The following LETM1 variants were observed in gnomAD, a reference collection of about 807,000 sequenced individuals.
The protein encoded by LETM1 is leucine zipper and EF-hand containing transmembrane protein 1.
LETM1 carries 50 observed loss-of-function variants against 74.5 expected under a neutral mutation model. The observed-to-expected ratio is 0.67, with a 90% confidence interval of 0.53 to 0.85. LETM1 has a LOEUF of 0.85. Ranked by LOEUF, LETM1 falls within the 40% of genes least tolerant of loss-of-function variation. The pLI is 0.00. For synonymous variants in LETM1, 446 were observed against 407.1 expected (o/e 1.10, Z -1.15); for missense variants, 824 against 967.8 (o/e 0.85, Z 1.97).
chr4:1,841,821 CAGT>C (rs768365918), intron 2 of LETM1, 24 bp from the exon 3 acceptor site: 5 of 1,564,924 alleles, frequency 3.2e-6, no homozygotes, highest in African/African-American at 1.4e-5. Flanking sequence ...GAGTGGAAAA[CAGT>C]AGTAAGAGCC....
At chr4:1,820,578 A>G (rs578177180) in intron 10 of LETM1, among the ~76,000 whole-genome samples, 34 of 152,324 alleles carry the variant, frequency 2.2e-4, no homozygotes, top group African/African-American at 7.5e-4. Flanking sequence ...GTTTCTGCAG[A>G]TGCTTTTGAT....
intron 11 of LETM1, among the ~76,000 whole-genome samples, chr4:1,817,295 G>A (rs1338347816): frequency 6.8e-6 from 1 of 147,156 alleles, no homozygotes; most frequent in African/African-American, 2.5e-5. Flanking sequence ...AGTGACTCAT[G>A]CCTGTAATCC....
chr4:1,853,605 G>A (rs1415925734), intron 1 of LETM1, among the ~76,000 whole-genome samples: 1 of 152,212 alleles, frequency 6.6e-6, no homozygotes, highest in African/African-American at 2.4e-5. Flanking sequence ...AGCCTGAGAG[G>A]CAATCAAGAA....
chr4:1,836,534 C>G lies in LETM1; in HGVS notation c.633G>C (p.Pro211=). ...ACGGCACCACCACGAACACAAGGAA[C>G]GGCACCAGGCGGAAGAGGTCAGCGC... ...RICADLFRLV[P]FLVFVVVPFM... Residue 211 remains proline, a synonymous_variant, in exon 4 of 14, where the codon CCG becomes CCC. Coordinates refer to ENST00000302787, the MANE Select transcript of LETM1 (RefSeq NM_012318.3). The surrounding 1 kb of genome is among the most constrained non-coding windows in gnomAD (Gnocchi z 5.8). 1.2e-6 allele frequency: 2 copies of G among 1,613,864 alleles called. No homozygotes were observed. The highest frequency in any genetic ancestry group is 2.2e-5 in the East Asian group (1 of 44,874).
At chr4:1,852,681 A>G (rs563833791) in intron 1 of LETM1, among the ~76,000 whole-genome samples, 1 of 152,276 alleles carries the variant, frequency 6.6e-6, no homozygotes, top group Non-Finnish European at 1.5e-5. Context: ...TTGGGAGGCC[A>G]AGGCAGGTGG....
Sources: gnomAD v4.1 joint callset for allele counts (sites outside exome capture counted in the v4.1 genomes callset) on GRCh38, gnomAD v4.1.1 for gene constraint, Gnocchi (gnomAD v3.1) non-coding constraint, MANE v1.5 for transcripts, NCBI Gene and HGNC (gene_info 2026-07-23, HGNC 2026-07-21) for gene names.